The following CYRIB variants were observed in gnomAD, a reference collection of about 807,000 sequenced individuals.
The protein encoded by CYRIB is CYFIP-related Rac1 interactor B.
CYRIB carries 8 observed loss-of-function variants against 44.2 expected under a neutral mutation model. That is an observed-to-expected ratio of 0.18 (90% CI 0.11 to 0.33). The LOEUF is 0.33. Among genes scored for constraint, CYRIB ranks in the 10% least tolerant of loss-of-function variants. The pLI is 1.00. For missense variants in CYRIB, 185 were observed against 382.8 expected, an observed-to-expected ratio of 0.48 and a Z score of 4.31; for synonymous variants, 131 against 127.2, an observed-to-expected ratio of 1.03 and a Z score of -0.20.
At chr8:129,957,027 TTTTC>T (rs1301126348) in intron 2 of CYRIB, among the ~76,000 whole-genome samples, 1 of 151,948 alleles carries the variant, frequency 6.6e-6, no homozygotes, top group Non-Finnish European at 1.5e-5. Flanking sequence ...TTCTTTTCTA[TTTTC>T]TTTTTGTGTG....
At chr8:129,856,696 T>A (rs1009435879) in intron 5 of CYRIB, among the ~76,000 whole-genome samples, 1 of 152,244 alleles carries the variant, frequency 6.6e-6, no homozygotes, top group African/African-American at 2.4e-5. Context: ...GATTTACGTA[T>A]GAGTCAACAT....
chr8:129,987,720 C>G (rs572638206), intron 1 of CYRIB, among the ~76,000 whole-genome samples: 2 of 151,962 alleles, frequency 1.3e-5, no homozygotes. Flanking sequence ...CACAGGCAGG[C>G]GCCACCTCGC....
upstream of CYRIB, among the ~76,000 whole-genome samples, chr8:129,941,027 C>T (rs968731740): frequency 5.9e-5 from 9 of 152,116 alleles, no homozygotes; most frequent in African/African-American, 2.2e-4. Context: ...AGAAGGGCAG[C>T]CCTTACCTTA....
chr8:129,917,128 G>T (rs1396935428), intron 1 of CYRIB, among the ~76,000 whole-genome samples: 1 of 152,192 alleles, frequency 6.6e-6, no homozygotes, highest in Non-Finnish European at 1.5e-5. Context: ...CCACCATGTG[G>T]CAGATATTGT....
rs902281210 is a variant in CYRIB at position 129,848,718 on chromosome 8, G to A, written c.840+525C>T. On this transcript the variant is annotated intron_variant, in intron 10 of 11. Transcript: ENST00000519824. ...AACGTAGCTGTGACTACCGATGTGTGCCACCACACCTGGCTAATTTTTTTT... is the reference window on the plus strand; with the variant it reads ...AACGTAGCTGTGACTACCGATGTGTACCACCACACCTGGCTAATTTTTTTT... Among the ~76,000 whole-genome samples, 43 of 151,392 alleles carry A rather than the reference G, an allele frequency of 2.8e-4. 1 individual carries two copies. Among genetic ancestry groups the A allele is most frequent in the African/African-American group, 1.0e-3 (42 of 41,244 alleles).
chr8:130,012,010 C>T (rs1295186412), intron 1 of CYRIB, among the ~76,000 whole-genome samples: 1 of 152,058 alleles, frequency 6.6e-6, no homozygotes, highest in Non-Finnish European at 1.5e-5. Flanking sequence ...AGGATCCTTT[C>T]CAAAACACGT....
chr8:129,870,260 T>G (rs936550056), intron 4 of CYRIB, among the ~76,000 whole-genome samples: 2 of 151,926 alleles, frequency 1.3e-5, no homozygotes, highest in Non-Finnish European at 2.9e-5. Context: ...TGCCTCTATT[T>G]GGCAGGGGAT....
chr8:129,937,158 T>C lies in CYRIB; in HGVS notation c.-50+2450A>G, dbSNP rs187617834. On this transcript the variant is annotated intron_variant, in intron 1 of 11. Coordinates refer to ENST00000519824, the Ensembl canonical transcript of CYRIB. ...TTAACTCAATTGTTCAAAATATAATTATTGAGTATCCACTATGCACCAGGC... is the reference window on the plus strand; with the variant it reads ...TTAACTCAATTGTTCAAAATATAATCATTGAGTATCCACTATGCACCAGGC... Among the ~76,000 whole-genome samples, 70 of 152,352 alleles carry C rather than the reference T, an allele frequency of 4.6e-4. No homozygotes were observed. The South Asian group carries it at 0.01, about 22-fold the overall frequency.
intron 1 of CYRIB, among the ~76,000 whole-genome samples, chr8:129,910,504 T>TA (rs1554614940): frequency 9.8e-5 from 13 of 133,088 alleles, no homozygotes; most frequent in African/African-American, 3.1e-4. Context: ...TTTTTTTTTT[T>TA]AAAGAGACAA....
chr8:129,932,904 A>G (rs2138529666), intron 1 of CYRIB, among the ~76,000 whole-genome samples: 1 of 152,264 alleles, frequency 6.6e-6, no homozygotes, highest in South Asian at 2.1e-4. Context: ...AACAGGGTGG[A>G]ATTAATGTTT....
chr8:129,944,822 C>T (rs1434030796), upstream of CYRIB, among the ~76,000 whole-genome samples: 4 of 151,776 alleles, frequency 2.6e-5, no homozygotes, highest in African/African-American at 4.8e-5. Context: ...AATAAATGCA[C>T]ATTGCTTTCA....
chr8:129,889,239 C>T lies in CYRIB; in HGVS notation c.-10-9768G>A, dbSNP rs188785662. On this transcript the variant is annotated intron_variant, in intron 2 of 11. Transcript: ENST00000519824. The stretch of plus-strand genomic sequence containing the variant: ...AATATTCTAAGCCCACCATTGAGCC[C>T]TATTCCTCAGAAAAAAAATATTCGT... Among the ~76,000 whole-genome samples the T allele has an allele frequency of 2.4e-3, 358 of 152,230 alleles. 5 individuals are homozygous for T. The highest frequency in any genetic ancestry group is 8.2e-3 in the African/African-American group (339 of 41,520).
chr8:129,994,449 T>A (rs996701495), intron 1 of CYRIB, among the ~76,000 whole-genome samples: 1 of 152,234 alleles, frequency 6.6e-6, no homozygotes, highest in African/African-American at 2.4e-5. Context: ...TTTCTTTATC[T>A]TTGTATGCCT....
intron 2 of CYRIB, among the ~76,000 whole-genome samples, chr8:129,947,494 G>C (rs1327556358): frequency 6.6e-6 from 1 of 152,196 alleles, no homozygotes; most frequent in African/African-American, 2.4e-5. Flanking sequence ...GCCCACTGCA[G>C]TTCCTGCCAT....
chr8:129,983,305 C>T (rs2096315686), intron 1 of CYRIB, among the ~76,000 whole-genome samples: 1 of 151,940 alleles, frequency 6.6e-6, no homozygotes, highest in Admixed American at 6.5e-5. Flanking sequence ...ATTAGCGAGG[C>T]GTGGTGGCGG....
chr8:129,918,347 C>T (rs1047913548), intron 1 of CYRIB, among the ~76,000 whole-genome samples: 5 of 152,194 alleles, frequency 3.3e-5, no homozygotes, highest in African/African-American at 1.2e-4. Context: ...CATGCCTAAT[C>T]CCATGGCTTT....
chr8:129,982,735 C>T (rs1288626275), intron 1 of CYRIB, among the ~76,000 whole-genome samples: 1 of 152,124 alleles, frequency 6.6e-6, no homozygotes, highest in African/African-American at 2.4e-5. Flanking sequence ...AAATCTGATT[C>T]TGAACCAAAA....
chr8:129,940,618 A>T (rs2093616985), upstream of CYRIB, among the ~76,000 whole-genome samples: 1 of 152,180 alleles, frequency 6.6e-6, no homozygotes, highest in South Asian at 2.1e-4. Flanking sequence ...CCCTTTACAG[A>T]CAAAAACAGA....
intron 2 of CYRIB, among the ~76,000 whole-genome samples, chr8:129,965,251 T>TGTGC (rs967613161): frequency 4.9e-5 from 3 of 60,750 alleles, no homozygotes; most frequent in Non-Finnish European, 1.2e-4. Context: ...CCAGACACTG[T>TGTGC]GTGTGTGTGT....
Sources: allele counts gnomAD v4.1 joint callset (sites outside exome capture counted in the v4.1 genomes callset), GRCh38; gene constraint gnomAD v4.1.1; transcripts MANE v1.5; gene names NCBI Gene and HGNC (gene_info 2026-07-23, HGNC 2026-07-21).